ACP6: variants seen among roughly 807,000 people sequenced by gnomAD.
The protein encoded by ACP6 is acid phosphatase 6, lysophosphatidic, also known as lysophosphatidic acid phosphatase type 6.
A neutral mutation model predicts 48.1 loss-of-function variants in ACP6; 48 were observed. The ratio of observed to expected loss-of-function variants is 1.00; its 90% CI spans 0.79 to 1.27. The LOEUF (loss-of-function observed/expected upper bound fraction) is 1.27. Ranked by LOEUF, ACP6 falls within the 50% of genes most tolerant of loss-of-function variation. The pLI is 0.00. For missense variants in ACP6, 485 were observed against 529.1 expected (o/e 0.92, Z 0.82); for synonymous variants, 172 against 204.2 (o/e 0.84, Z 1.34).
chr1:147,647,712 A>G, intron 9 of ACP6, 146 bp from the exon 10 acceptor site: 1 of 1,046,980 alleles, frequency 9.6e-7, no homozygotes, highest in Non-Finnish European at 1.3e-6. Flanking sequence ...CTACCCGGTG[A>G]GCTTCCAGAA....
intron 6 of ACP6, 91 bp from the exon 7 acceptor site, chr1:147,652,640 A>G (rs1659995402): frequency 6.2e-7 from 1 of 1,607,098 alleles, no homozygotes; most frequent in Non-Finnish European, 8.5e-7. Flanking sequence ...GCAGGAGCCC[A>G]TCTTCTCCTG....
At chr1:147,635,204 A>T (rs1190675179) in intron 5 of ACP6, among the ~76,000 whole-genome samples, 1 of 152,222 alleles carries the variant, frequency 6.6e-6, no homozygotes, top group African/African-American at 2.4e-5. Context: ...GTCTGAAGTG[A>T]CATCTATAAC....
chr1:147,648,124 G>C, intron 9 of ACP6, 122 bp downstream of exon 9: 1 of 1,171,984 alleles, frequency 8.5e-7, no homozygotes. Flanking sequence ...AGGATTCAGA[G>C]AGCTGACTGT....
chr1:147,664,496 T>C (rs1005984160), intron 1 of ACP6, among the ~76,000 whole-genome samples: 11 of 152,238 alleles, frequency 7.2e-5, no homozygotes, highest in Non-Finnish European at 1.5e-4. Context: ...GGCCTTATGC[T>C]TTCACAGTAG....
chr1:147,633,323 A>G (rs971124172), intron 5 of ACP6, among the ~76,000 whole-genome samples: 12 of 152,326 alleles, frequency 7.9e-5, no homozygotes, highest in East Asian at 3.9e-4. Flanking sequence ...ATTAAGACCA[A>G]TGAGATCAGG....
chr1:147,638,892 T>C (rs1342574043), downstream of ACP6, among the ~76,000 whole-genome samples: 1 of 152,228 alleles, frequency 6.6e-6, no homozygotes, highest in African/African-American at 2.4e-5. Context: ...AGTCTTGCTC[T>C]GTCACCCAGG....
At chr1:147,654,358 T>C in intron 5 of ACP6, 32 bp from the exon 6 acceptor site, 2 of 1,608,784 alleles carry the variant, frequency 1.2e-6, no homozygotes, top group Non-Finnish European at 1.7e-6. Flanking sequence ...AGCCTTATAT[T>C]CTATAGTGAT....
intron 7 of ACP6, chr1:147,652,107 A>T (rs1553210652): frequency 4.6e-6 from 1 of 215,790 alleles, no homozygotes; most frequent in Non-Finnish European, 9.2e-6. Flanking sequence ...TGGTTTGCAA[A>T]TTGTAACATG....
At chr1:147,658,893 A>G in intron 4 of ACP6, 67 bp downstream of exon 4, 1 of 1,432,292 alleles carries the variant, frequency 7.0e-7, no homozygotes, top group East Asian at 2.3e-5. Flanking sequence ...AGAAAGAGAT[A>G]GGGGCTTCGG....
rs1660104419 is a variant in ACP6, at chr1:147,654,117, C to A, written c.780+77G>T. The A allele has an allele frequency of 1.9e-6, 3 of 1,569,296 alleles. No individual in the cohort carries two copies. In the African/African-American group the frequency reaches 4.1e-5, roughly 21 times the overall value. ...CTTCAAACCAGGAGGCCTCCACCCA[C>A]TTCTCTCCACCCGGTTCTAACTCCG... On this transcript the variant is annotated intron_variant, in intron 6 of 9. Transcript: ENST00000583509.
chr1:147,663,389 A>G (rs1660642735), intron 1 of ACP6, among the ~76,000 whole-genome samples: 1 of 152,214 alleles, frequency 6.6e-6, no homozygotes, highest in Non-Finnish European at 1.5e-5. Context: ...ATTGTACAGG[A>G]TGGTGACTAC....
In ACP6 at chr1:147,655,223, T is replaced by G. The variant is rs146958747; in HGVS notation, c.585A>C (p.Glu195Asp). 1.1e-5 allele frequency: 17 copies of G among 1,607,884 alleles called. No homozygotes were observed. The highest frequency in any genetic ancestry group is 1.7e-5 in the Admixed American group (1 of 59,388). The stretch of plus-strand genomic sequence containing the variant: ...TGGGATACAAGACTTCTGAATCTGC[T>G]TCATCAGTGTGGATGATGATGGGTC... ...KEGPIIIHTDEADSEVLYPNY... is the reference protein window; with the variant it reads ...KEGPIIIHTDDADSEVLYPNY... The change falls in exon 5 of 10, where the codon GAA becomes GAC. Residue 195 changes from glutamate (E) to aspartate (D), a missense_variant. By Grantham distance (45) the Glu-to-Asp change is conservative. Coordinates refer to ENST00000583509, the MANE Select transcript of ACP6 (RefSeq NM_016361.5).
At chr1:147,659,282 G>A (rs1287536768) in intron 3 of ACP6, 114 bp downstream of exon 3, 6 of 1,426,056 alleles carry the variant, frequency 4.2e-6, no homozygotes, top group Non-Finnish European at 4.8e-6. Context: ...AGCATGACAA[G>A]TTGTCCCCCA....
At position 147,658,964 on chromosome 1, in the gene ACP6, T is replaced by C. The variant is rs781949098; in HGVS notation, c.555A>G (p.Lys185=). Residue 185 remains lysine (K), a synonymous_variant, in exon 4 of 10, where the codon AAA becomes AAG. Transcript: ENST00000583509. ...CLLAGLFQCQ[K]EGPIIIHTDE... is the part of the protein sequence containing the mutation. The stretch of plus-strand genomic sequence containing the variant: ...ACTGGGACCCCAAATACGAACCTTC[T>C]TTCTGACACTGGAAAAGCCCAGCCA... 1 of 1,611,494 alleles carries C rather than the reference T, an allele frequency of 6.2e-7. No homozygotes were observed. Among genetic ancestry groups the C allele is most frequent in the Admixed American group, 1.7e-5 (1 of 59,720 alleles).
intron 1 of ACP6, among the ~76,000 whole-genome samples, chr1:147,665,800 A>G (rs1034630565): frequency 8.5e-5 from 13 of 152,248 alleles, no homozygotes; most frequent in Admixed American, 3.9e-4. Context: ...TCTAAAGTAC[A>G]GTTTTCAGAT....
At chr1:147,647,865 C>A in intron 9 of ACP6, 3 of 497,158 alleles carry the variant, frequency 6.0e-6, no homozygotes, top group Non-Finnish European at 1.1e-5. Flanking sequence ...TGGACCCCAG[C>A]CCTGATGAAG....
Position 147,659,395 on chromosome 1 carries a change from C to G in ACP6, c.479+1G>C. ...GCAACATCCCCTTTCAAGTGACTCA[C>G]AAGACCTCCTGTGGGTTGAAGGTTG... On this transcript the variant is annotated splice_donor_variant, in intron 3 of 9. Transcript: ENST00000583509. LOFTEE classifies it high-confidence loss of function. The G allele has an allele frequency of 1.2e-6, 2 of 1,613,750 alleles. No homozygotes were observed. Among genetic ancestry groups the G allele is most frequent in the Admixed American group, 1.7e-5 (1 of 59,982 alleles).
chr1:147,654,224 G>A lies in ACP6; in HGVS notation c.750C>T (p.Phe250=), dbSNP rs1553211162. The A allele has an allele frequency of 6.2e-7, 1 of 1,614,198 alleles. No individual in the cohort carries two copies. Among genetic ancestry groups the A allele is most frequent in the Admixed American group, 1.7e-5 (1 of 60,028 alleles). Residue 250 remains phenylalanine, a synonymous_variant, in exon 6 of 10, where the codon TTC becomes TTT. Transcript: ENST00000583509. ...CGGCAGCCACGTTGTCCAGGAGGAT[G>A]AAGAAGTCCACTTTATCACTACTGT... The part of the protein sequence containing the change: ...GIDSSDKVDF[F]ILLDNVAAEQ...
intron 6 of ACP6, among the ~76,000 whole-genome samples, chr1:147,653,385 T>C (rs4950466): frequency 0.39 from 58,206 of 151,130 alleles, 11,976 homozygotes; most frequent in Non-Finnish European, 0.46. Flanking sequence ...CACCTCAGCC[T>C]CCCAAAGTGC....
Sources: gnomAD v4.1 joint callset for allele counts (sites outside exome capture counted in the v4.1 genomes callset) on GRCh38, gnomAD v4.1.1 for gene constraint, MANE v1.5 for transcripts, NCBI Gene and HGNC (gene_info 2026-07-23, HGNC 2026-07-21) for gene names.